Variants in VRK1 observed in about 807,000 individuals in gnomAD.
The protein encoded by VRK1 is serine/threonine-protein kinase VRK1.
In VRK1, 33 loss-of-function variants were observed where a neutral mutation model predicts 57.1. The observed-to-expected ratio is 0.58, with a 90% confidence interval of 0.44 to 0.77. VRK1 has a LOEUF of 0.77. VRK1 is among the 30% of genes least tolerant of loss of function. The pLI is 0.00. For missense variants in VRK1, 413 were observed against 477.3 expected (o/e 0.87, Z 1.25); for synonymous variants, 137 against 147.8 (o/e 0.93, Z 0.53).
intron 3 of VRK1, among the ~76,000 whole-genome samples, chr14:96,842,476 AAGC>A (rs1566702049): frequency 6.6e-6 from 1 of 152,230 alleles, no homozygotes; most frequent in Non-Finnish European, 1.5e-5. Flanking sequence ...ATTTCTAAAA[AAGC>A]AGGATACAAA....
intron 1 of VRK1, among the ~76,000 whole-genome samples, chr14:96,820,315 A>AAG (rs1177110941): frequency 4.6e-5 from 7 of 152,046 alleles, no homozygotes; most frequent in Admixed American, 2.0e-4. Context: ...ATGCTGAATG[A>AAG]CTGTAGAATG....
At chr14:96,860,074 C>A (rs573987367) in intron 10 of VRK1, among the ~76,000 whole-genome samples, 2 of 151,968 alleles carry the variant, frequency 1.3e-5, no homozygotes, top group African/African-American at 4.8e-5. Context: ...ATAGGAAAGC[C>A]AGATCTTATT....
intron 1 of VRK1, among the ~76,000 whole-genome samples, chr14:96,798,427 G>GTTTTCC (rs1885528025): frequency 1.3e-5 from 2 of 152,058 alleles, no homozygotes; most frequent in Non-Finnish European, 2.9e-5. Flanking sequence ...ACTCATTTTT[G>GTTTTCC]TTTTCCTTTG....
chr14:96,861,577 C>T (rs1013498972), intron 11 of VRK1, among the ~76,000 whole-genome samples: 2 of 152,016 alleles, frequency 1.3e-5, no homozygotes, highest in South Asian at 2.1e-4. Context: ...TGAGAAAAAG[C>T]GTTAAAACAA....
At chr14:96,807,607 T>TAGAA (rs1457484986) in intron 1 of VRK1, among the ~76,000 whole-genome samples, 1 of 152,200 alleles carries the variant, frequency 6.6e-6, no homozygotes, top group East Asian at 1.9e-4. Context: ...CCTTCCTTCT[T>TAGAA]CTACATAATT....
intron 12 of VRK1, among the ~76,000 whole-genome samples, chr14:96,880,301 G>A (rs760180180): frequency 2.6e-5 from 4 of 152,194 alleles, no homozygotes; most frequent in Non-Finnish European, 5.9e-5. Flanking sequence ...CAGAAAAGAA[G>A]TATTGATCTT....
At chr14:96,822,502 TTTGA>T (rs1470831176) in intron 1 of VRK1, among the ~76,000 whole-genome samples, 1 of 152,232 alleles carries the variant, frequency 6.6e-6, no homozygotes, top group Non-Finnish European at 1.5e-5. Flanking sequence ...AGGCACAGAA[TTTGA>T]TTCATTGCAA....
chr14:96,816,367 C>T (rs985094844), intron 1 of VRK1, among the ~76,000 whole-genome samples: 1 of 152,154 alleles, frequency 6.6e-6, no homozygotes, highest in Non-Finnish European at 1.5e-5. Context: ...TTACCCATTA[C>T]AGTTTTATCT....
At chr14:96,836,687 C>T (rs998982423) in intron 2 of VRK1, among the ~76,000 whole-genome samples, 3 of 151,832 alleles carry the variant, frequency 2.0e-5, no homozygotes, top group African/African-American at 7.3e-5. Context: ...ACCACCATGC[C>T]CGGCTAATTT....
intron 11 of VRK1, among the ~76,000 whole-genome samples, chr14:96,869,633 T>C (rs1888733064): frequency 6.6e-6 from 1 of 152,222 alleles, no homozygotes; most frequent in South Asian, 2.1e-4. Flanking sequence ...AAAATATAGC[T>C]CCATACCTTT....
chr14:96,813,475 A>G (rs1474202656), intron 1 of VRK1, among the ~76,000 whole-genome samples: 2 of 152,092 alleles, frequency 1.3e-5, no homozygotes, highest in African/African-American at 2.4e-5. Context: ...TTTTTCATAT[A>G]TTCTTCAGTG....
At position 96,853,062 on chromosome 14, in the gene VRK1, AT is replaced by A; in HGVS notation, c.484-11del. 1 of 1,613,488 alleles carries A rather than the reference AT, an allele frequency of 6.2e-7. No individual in the cohort carries two copies. The highest frequency in any genetic ancestry group is 8.5e-7 in the Non-Finnish European group (1 of 1,179,538). On this transcript the variant is annotated splice_polypyrimidine_tract_variant and intron_variant, in intron 6 of 12. Coordinates refer to ENST00000216639, the MANE Select transcript of VRK1 (RefSeq NM_003384.3). ...GTACTGCATTAACTTATTCTGTATG[AT>A]ACTTTCATAGCTGGATATTCTGGAA...
chr14:96,836,127 A>T (rs7157017), intron 2 of VRK1, among the ~76,000 whole-genome samples: 7,386 of 152,142 alleles, frequency 0.049, 631 homozygotes, highest in African/African-American at 0.17. Context: ...TGCTTTAAAA[A>T]TTTTTTTAAT....
chr14:96,857,574 G>A (rs1250292901), intron 10 of VRK1, among the ~76,000 whole-genome samples: 1 of 152,152 alleles, frequency 6.6e-6, no homozygotes, highest in East Asian at 1.9e-4. Flanking sequence ...CCTGCTTCTG[G>A]CATGGGGATG....
At chr14:96,844,678 A>T (rs1887603896) in intron 3 of VRK1, among the ~76,000 whole-genome samples, 1 of 152,050 alleles carries the variant, frequency 6.6e-6, no homozygotes, top group African/African-American at 2.4e-5. Context: ...AGTAGCTGGG[A>T]TTACAGGTAC....
chr14:96,851,615 T>C (rs10147881), intron 5 of VRK1, among the ~76,000 whole-genome samples: 7,497 of 152,310 alleles, frequency 0.049, 647 homozygotes, highest in African/African-American at 0.17. Context: ...TAGTCAACTC[T>C]TCCTTCCCTA....
intron 11 of VRK1, among the ~76,000 whole-genome samples, chr14:96,867,995 C>T (rs895013029): frequency 2.6e-5 from 4 of 151,648 alleles, no homozygotes; most frequent in African/African-American, 9.7e-5. Flanking sequence ...AGATTTTTTT[C>T]AATGTTTATT....
At position 96,846,085 on chromosome 14, in the gene VRK1, AT is replaced by A. The variant is rs2139778965; in HGVS notation, c.217-9del. 6.2e-7 allele frequency: 1 copy of A among 1,612,122 alleles called. No individual in the cohort carries two copies. Among genetic ancestry groups the A allele is most frequent in the Non-Finnish European group, 8.5e-7 (1 of 1,178,392 alleles). ...CTACTGCTAGTACTAATTAACTCTT[AT>A]ATTTTAAGGAACCCAGTGACAATGG... On this transcript the variant is annotated splice_polypyrimidine_tract_variant and intron_variant, in intron 3 of 12. Coordinates refer to ENST00000216639, the MANE Select transcript of VRK1 (RefSeq NM_003384.3).
chr14:96,813,508 A>C (rs1886283366), intron 1 of VRK1, among the ~76,000 whole-genome samples: 1 of 151,790 alleles, frequency 6.6e-6, no homozygotes, highest in Non-Finnish European at 1.5e-5. Flanking sequence ...AGTTTTTTTC[A>C]GCTGAATTTG....
Sources: gnomAD v4.1 joint callset for allele counts (sites outside exome capture counted in the v4.1 genomes callset) on GRCh38, gnomAD v4.1.1 for gene constraint, MANE v1.5 for transcripts, NCBI Gene and HGNC (gene_info 2026-07-23, HGNC 2026-07-21) for gene names.